The following AOPEP variants were observed in gnomAD, a reference collection of about 807,000 sequenced individuals.
The protein encoded by AOPEP is aminopeptidase O (putative), also known as aminopeptidase O.
Under a neutral mutation model 98.1 loss-of-function variants are expected in AOPEP, and 77 were observed. The observed-to-expected ratio is 0.78, with a 90% CI of 0.65 to 0.95. The LOEUF (loss-of-function observed/expected upper bound fraction) is 0.95, where lower values mean the gene tolerates loss of function less well. Ranked by LOEUF, AOPEP falls within the 40% of genes least tolerant of loss-of-function variation. The pLI is 0.00. For missense variants in AOPEP, 1,024 were observed against 1,024.7 expected, an observed-to-expected ratio of 1.00 and a Z score of 0.01; for synonymous variants, 346 against 365.3, an observed-to-expected ratio of 0.95 and a Z score of 0.60.
At chr9:94,896,534 A>T (rs190727496) in intron 5 of AOPEP, among the ~76,000 whole-genome samples, 10 of 152,358 alleles carry the variant, frequency 6.6e-5, no homozygotes, top group Admixed American at 3.9e-4. Context: ...CAAGGTTAGC[A>T]TCAACAGTGA....
intron 13 of AOPEP, among the ~76,000 whole-genome samples, chr9:95,058,314 A>G (rs551135057): frequency 1.4e-4 from 22 of 152,310 alleles, no homozygotes; most frequent in Non-Finnish European, 2.8e-4. Context: ...CCCAAATGAG[A>G]GTTCTAACAG....
chr9:94,860,079 A>C (rs1174898068), intron 5 of AOPEP, among the ~76,000 whole-genome samples: 1 of 152,192 alleles, frequency 6.6e-6, no homozygotes, highest in African/African-American at 2.4e-5. Flanking sequence ...GGTTAGAGGA[A>C]ACACTCCTGG....
At chr9:95,118,741 T>C in the AOPEP span, among the ~76,000 whole-genome samples, 1 of 152,212 alleles carries the variant, frequency 6.6e-6, no homozygotes, top group African/African-American at 2.4e-5. Flanking sequence ...TGTGTGCGAG[T>C]AGATCATTCT....
intron 5 of AOPEP, among the ~76,000 whole-genome samples, chr9:94,911,638 A>G (rs999268176): frequency 1.3e-5 from 2 of 152,234 alleles, no homozygotes; most frequent in Non-Finnish European, 1.5e-5. Flanking sequence ...CTATGGCAAA[A>G]GAAATTTTTT....
At chr9:95,082,232 C>T (rs991550103) in intron 15 of AOPEP, among the ~76,000 whole-genome samples, 9 of 152,164 alleles carry the variant, frequency 5.9e-5, no homozygotes, top group Non-Finnish European at 8.8e-5. Flanking sequence ...AGGCTCTCCG[C>T]GTGGTAATTC....
chr9:94,766,134 G>A (rs996383267), intron 2 of AOPEP, among the ~76,000 whole-genome samples: 3 of 152,206 alleles, frequency 2.0e-5, no homozygotes, highest in East Asian at 1.9e-4. Flanking sequence ...TTTGGTATAC[G>A]TAAGAAATAA....
At chr9:95,117,420 T>C in the AOPEP span, 3 of 1,597,284 alleles carry the variant, frequency 1.9e-6, no homozygotes, top group Non-Finnish European at 2.6e-6. Context: ...CCAAAGAGCA[T>C]GAACATTAAG....
intron 5 of AOPEP, among the ~76,000 whole-genome samples, chr9:94,891,534 T>C (rs922111032): frequency 1.6e-4 from 25 of 152,194 alleles, no homozygotes; most frequent in African/African-American, 6.0e-4. Flanking sequence ...TACAGATTTT[T>C]TTAGTGGTTC....
At chr9:95,004,426 G>GC (rs2061777620) in intron 11 of AOPEP, 1 of 379,336 alleles carries the variant, frequency 2.6e-6, no homozygotes, top group African/African-American at 2.1e-5. Context: ...GTTTCTCTGC[G>GC]CCCTGGCCTC....
At chr9:94,906,485 A>AATAATAATAAT (rs1488133280) in intron 5 of AOPEP, among the ~76,000 whole-genome samples, 2,573 of 53,796 alleles carry the variant, frequency 0.048, 73 homozygotes, top group African/African-American at 0.1. Flanking sequence ...ATAATAATAA[A>AATAATAATAAT]AAAACAGACC....
chr9:95,022,631 G>A (rs2063546744), intron 13 of AOPEP, among the ~76,000 whole-genome samples: 2 of 127,798 alleles, frequency 1.6e-5, no homozygotes, highest in Non-Finnish European at 3.5e-5. Flanking sequence ...AAGCCACCGC[G>A]TCTGGCCTAT....
chr9:94,754,755 G>A (rs1836626080), intron 1 of AOPEP, among the ~76,000 whole-genome samples: 1 of 152,228 alleles, frequency 6.6e-6, no homozygotes, highest in South Asian at 2.1e-4. Context: ...TTGGAGGATG[G>A]AAGTAACTAT....
chr9:94,919,918 A>G (rs1010239248), intron 5 of AOPEP, among the ~76,000 whole-genome samples: 1 of 152,200 alleles, frequency 6.6e-6, no homozygotes, highest in Non-Finnish European at 1.5e-5. Context: ...TGAAATTGTG[A>G]AAAGCGTTGA....
At chr9:95,067,412 A>G (rs902245808) in intron 14 of AOPEP, among the ~76,000 whole-genome samples, 1 of 152,194 alleles carries the variant, frequency 6.6e-6, no homozygotes, top group Admixed American at 6.5e-5. Context: ...CAGTCTCTGC[A>G]TATTGCTTTG....
intron 13 of AOPEP, among the ~76,000 whole-genome samples, chr9:95,059,787 A>C (rs1471593941): frequency 6.6e-6 from 1 of 152,164 alleles, no homozygotes; most frequent in Admixed American, 6.5e-5. Flanking sequence ...AGAACCATGG[A>C]ATTCATAGGA....
intron 5 of AOPEP, among the ~76,000 whole-genome samples, chr9:94,882,436 C>T (rs2047693990): frequency 6.6e-6 from 1 of 152,152 alleles, no homozygotes; most frequent in Non-Finnish European, 1.5e-5. Flanking sequence ...TTAAAATCCC[C>T]TTTTTTCTAA....
chr9:94,815,157 CA>C (rs1851426162), intron 5 of AOPEP, among the ~76,000 whole-genome samples: 1 of 152,096 alleles, frequency 6.6e-6, no homozygotes, highest in Non-Finnish European at 1.5e-5. Flanking sequence ...ACAACACTGC[CA>C]AAAAGGAGGG....
At chr9:94,924,977 C>G (rs1282260144) in intron 6 of AOPEP, among the ~76,000 whole-genome samples, 2 of 152,174 alleles carry the variant, frequency 1.3e-5, no homozygotes, top group African/African-American at 4.8e-5. Flanking sequence ...TGCTTACTTT[C>G]AAGTTCCTAT....
chr9:94,848,182 C>G (rs1244510392), intron 5 of AOPEP, among the ~76,000 whole-genome samples: 1 of 152,142 alleles, frequency 6.6e-6, no homozygotes, highest in Non-Finnish European at 1.5e-5. Context: ...AGTGCAGTGG[C>G]TCACACCTGT....
Sources: gnomAD v4.1 joint callset for allele counts (sites outside exome capture counted in the v4.1 genomes callset) on GRCh38, gnomAD v4.1.1 for gene constraint, MANE v1.5 for transcripts, NCBI Gene and HGNC (gene_info 2026-07-23, HGNC 2026-07-21) for gene names.